Variants in DNAH12 observed in about 807,000 individuals in gnomAD.
The protein encoded by DNAH12 is dynein axonemal heavy chain 12, also known as axonemal beta dynein heavy chain 12.
A neutral mutation model predicts 371.5 loss-of-function variants in DNAH12; 285 were observed. That is an observed-to-expected ratio of 0.77 (90% CI 0.70 to 0.85). DNAH12 has a LOEUF of 0.85. DNAH12 is among the 40% of genes least tolerant of loss of function. The pLI is 0.00. For synonymous variants in DNAH12, 1,200 were observed against 1,213.0 expected (o/e 0.99, Z 0.22); for missense variants, 3,611 against 3,689.4 (o/e 0.98, Z 0.55).
chr3:57,490,163 G>A (rs1175237142), intron 11 of DNAH12, among the ~76,000 whole-genome samples: 3 of 151,984 alleles, frequency 2.0e-5, no homozygotes, highest in Non-Finnish European at 4.4e-5. Context: ...GGAACTTATT[G>A]GTTTTTGTCA....
chr3:57,421,464 G>T, intron 36 of DNAH12, 54 bp downstream of exon 36: 1 of 1,509,806 alleles, frequency 6.6e-7, no homozygotes, highest in Non-Finnish European at 9.0e-7. Flanking sequence ...AGCTTTGTCT[G>T]CTGGCCTAAG....
intron 62 of DNAH12, among the ~76,000 whole-genome samples, chr3:57,327,373 T>C (rs1447231873): frequency 1.3e-5 from 2 of 151,938 alleles, no homozygotes; most frequent in Admixed American, 6.6e-5. Flanking sequence ...CAGACCACAG[T>C]GCAATCAAAC....
chr3:57,453,377 A>C lies in DNAH12; in HGVS notation c.3483T>G (p.Leu1161=). The change falls in exon 24 of 74, where the codon CTT becomes CTG. Residue 1161 remains leucine, a synonymous_variant. Transcript: ENST00000495027. ...CTACAATCTCATTCAGTTGGTTCTG[A>C]AGTTCCTTATAATACTTCTTTAATC... is the stretch of plus-strand genomic sequence containing the variant. ...TEGLKKYYKE[L]QNQLNEIVEL... is the part of the protein sequence containing the mutation. 1 of 1,548,360 alleles carries C rather than the reference A, an allele frequency of 6.5e-7. No homozygotes were observed. The highest frequency in any genetic ancestry group is 8.7e-7 in the Non-Finnish European group (1 of 1,145,958).
chr3:57,355,873 T>C (rs2062785489), intron 59 of DNAH12, among the ~76,000 whole-genome samples: 1 of 152,198 alleles, frequency 6.6e-6, no homozygotes, highest in Non-Finnish European at 1.5e-5. Flanking sequence ...TTATTTTACT[T>C]AACAAGTACA....
Position 57,368,428 on chromosome 3 carries a change from T to C in DNAH12, c.8760-168A>G, listed in dbSNP as rs987125293. Among the ~76,000 whole-genome samples, 229 of 152,222 alleles carry C rather than the reference T, an allele frequency of 1.5e-3. 3 individuals carry two copies. The East Asian group carries it at 0.035, about 23-fold the overall frequency. ...GAGAAAAAAATGAAAAGGAGTTTTT[T>C]TTTTTCTTTCTTATTTATTTTTCAA... On this transcript the variant is annotated intron_variant, in intron 55 of 73. Transcript: ENST00000495027.
intron 60 of DNAH12, among the ~76,000 whole-genome samples, chr3:57,336,787 A>G (rs1000223352): frequency 3.3e-5 from 5 of 152,246 alleles, no homozygotes; most frequent in Non-Finnish European, 1.5e-5. Context: ...GAAAATCAGC[A>G]ACTTTTCTTA....
Position 57,403,232 on chromosome 3 carries a change from C to T in DNAH12, c.6948+77G>A, listed in dbSNP as rs1301546734. 7.2e-6 allele frequency: 10 copies of T among 1,383,296 alleles called. No individual in the cohort carries two copies. The African/African-American group carries it at 1.3e-4, about 18-fold the overall frequency. The allele number at this position is 1,383,296 out of a possible 1,614,324, so 85.7% of individuals were successfully genotyped here. A position where few individuals can be genotyped will look rare whatever the true frequency, so the allele number is the denominator to read the frequency against. ...ATCACTGGAGTTCAGTACACAGCTA[C>T]ACAGGCTGGTTCTCTCTTTACGAGT... On this transcript the variant is annotated intron_variant, in intron 43 of 73. Coordinates refer to ENST00000495027, the MANE Select transcript of DNAH12 (RefSeq NM_001366028.2).
chr3:57,454,693 G>A (rs970102019), intron 23 of DNAH12, 82 bp downstream of exon 23: 80 of 1,504,720 alleles, frequency 5.3e-5, no homozygotes, highest in Non-Finnish European at 6.9e-5. Context: ...AGCATAGCAA[G>A]ATCTCATTTC....
chr3:57,436,442 G>A (rs1029936165), intron 30 of DNAH12, among the ~76,000 whole-genome samples: 1 of 152,150 alleles, frequency 6.6e-6, no homozygotes, highest in African/African-American at 2.4e-5. Context: ...ACATTACAGT[G>A]TTGGCTGTGT....
At position 57,503,887 on chromosome 3, in the gene DNAH12, T is replaced by C. The variant is rs532771325; in HGVS notation, c.1086+129A>G. On this transcript the variant is annotated intron_variant, in intron 9 of 73. Coordinates refer to ENST00000495027, the MANE Select transcript of DNAH12 (RefSeq NM_001366028.2). Reference sequence around the variant, plus strand: ...AGCGACTTTTTCAAAGAGAAAGCAATTTCTAATTTGAAATAATTGGGGGAG... The same window carrying C: ...AGCGACTTTTTCAAAGAGAAAGCAACTTCTAATTTGAAATAATTGGGGGAG... 5 of 779,366 alleles carry C rather than the reference T, an allele frequency of 6.4e-6. No homozygotes were observed. In the African/African-American group the frequency reaches 8.6e-5, roughly 13 times the overall value. The allele number at this position is 779,366 out of a possible 1,614,324, so 48.3% of individuals were successfully genotyped here.
upstream of DNAH12, among the ~76,000 whole-genome samples, chr3:57,546,163 C>T (rs760563379): frequency 1.3e-5 from 2 of 152,086 alleles, no homozygotes; most frequent in Non-Finnish European, 2.9e-5. Context: ...GGTCGGGGGA[C>T]GAAGCACATT....
At chr3:57,362,150 G>T (rs1052675301) in intron 58 of DNAH12, among the ~76,000 whole-genome samples, 3 of 152,106 alleles carry the variant, frequency 2.0e-5, no homozygotes, top group Non-Finnish European at 4.4e-5. Flanking sequence ...TGCTCAGAAT[G>T]ATGGTTTCCA....
intron 70 of DNAH12, among the ~76,000 whole-genome samples, chr3:57,299,338 A>G (rs1382618660): frequency 6.6e-6 from 1 of 152,196 alleles, no homozygotes; most frequent in African/African-American, 2.4e-5. Context: ...GCATTGCCTC[A>G]TTTACTCTAT....
At chr3:57,318,528 T>C (rs1046426095) in intron 65 of DNAH12, among the ~76,000 whole-genome samples, 48 of 152,164 alleles carry the variant, frequency 3.2e-4, no homozygotes, top group African/African-American at 1.1e-3. Flanking sequence ...TGTCTGACTT[T>C]ATACTAGTAC....
Position 57,406,077 on chromosome 3 carries a change from G to A in DNAH12, c.6277-125C>T, listed in dbSNP as rs9829779. ...CAGATTATATGGGCTTGGGCTGGGC[G>A]CGGTGGCTCACATCTGTAATCGCAG... is the stretch of plus-strand genomic sequence containing the variant. On this transcript the variant is annotated intron_variant, in intron 40 of 73. Coordinates refer to ENST00000495027, the MANE Select transcript of DNAH12 (RefSeq NM_001366028.2). 0.021 allele frequency: 21,743 copies of A among 1,039,256 alleles called. 3,011 individuals carry two copies. The African/African-American group carries it at 0.31, about 15-fold the overall frequency. 64.4% of individuals were successfully genotyped at this position (1,039,256 alleles called of 1,614,324 possible).
intron 2 of DNAH12, among the ~76,000 whole-genome samples, chr3:57,525,630 A>G (rs904902371): frequency 3.9e-5 from 6 of 152,262 alleles, no homozygotes; most frequent in African/African-American, 1.4e-4. Flanking sequence ...TAGGGTATCC[A>G]TCACCTCAAG....
rs370335542 is a variant in DNAH12 at position 57,293,735 on chromosome 3, G to GT, written c.*45dup. The GT allele has an allele frequency of 0.13, 122,889 of 973,772 alleles. 118 individuals carry two copies. Among genetic ancestry groups the GT allele is most frequent in the Non-Finnish European group, 0.14 (97,912 of 705,588 alleles). The allele number at this position is 973,772 out of a possible 1,614,324, so 60.3% of individuals were successfully genotyped here. A position where few individuals can be genotyped will look rare whatever the true frequency, so the allele number is the denominator to read the frequency against. On this transcript the variant is annotated 3_prime_UTR_variant, in exon 74 of 74. Coordinates refer to ENST00000495027, the MANE Select transcript of DNAH12 (RefSeq NM_001366028.2). Reference sequence around the variant, plus strand: ...AATGTATATATTTTAAGTAGGACAGGTTTTTTTTTTTTTAAACTTTTGGAT... The same window carrying GT: ...AATGTATATATTTTAAGTAGGACAGGTTTTTTTTTTTTTTAAACTTTTGGAT...
rs182620854 is a variant in DNAH12, at chr3:57,422,486, G to A, written c.5374-780C>T. On this transcript the variant is annotated intron_variant, in intron 35 of 73. Coordinates refer to ENST00000495027, the MANE Select transcript of DNAH12 (RefSeq NM_001366028.2). ...TGGGATTACAGGTGTGAGACACCGC[G>A]CCCGGCCTCTAACAAAATTTTAAAT... is the stretch of plus-strand genomic sequence containing the variant. Among the ~76,000 whole-genome samples the A allele has an allele frequency of 9.3e-4, 142 of 152,176 alleles. No homozygotes were observed. In the East Asian group the frequency reaches 0.018, roughly 19 times the overall value.
intron 2 of DNAH12, among the ~76,000 whole-genome samples, chr3:57,527,331 C>T (rs1015899872): frequency 6.6e-6 from 1 of 151,590 alleles, no homozygotes; most frequent in Non-Finnish European, 1.5e-5. Context: ...ACTTTGTTTC[C>T]AAAAAACAAA....
Sources: gnomAD v4.1 joint callset for allele counts (sites outside exome capture counted in the v4.1 genomes callset) on GRCh38, gnomAD v4.1.1 for gene constraint, MANE v1.5 for transcripts, NCBI Gene and HGNC (gene_info 2026-07-23, HGNC 2026-07-21) for gene names.